The following AK5 variants were observed in gnomAD, a reference collection of about 807,000 sequenced individuals.
AK5 encodes adenylate kinase isoenzyme 5.
AK5 carries 27 observed loss-of-function variants against 69.5 expected under a neutral mutation model. The observed-to-expected ratio is 0.39, with a 90% CI of 0.29 to 0.54. The LOEUF (loss-of-function observed/expected upper bound fraction) is 0.54, where lower values mean the gene tolerates loss of function less well. Ranked by LOEUF, AK5 falls within the 20% of genes least tolerant of loss-of-function variation. AK5 has a pLI of 0.71. For missense variants in AK5, 531 were observed against 700.4 expected (o/e 0.76, Z 2.73); for synonymous variants, 260 against 244.4 (o/e 1.06, Z -0.60).
chr1:77,305,701 G>A (rs1659596471), intron 5 of AK5, among the ~76,000 whole-genome samples: 1 of 152,126 alleles, frequency 6.6e-6, no homozygotes, highest in African/African-American at 2.4e-5. Flanking sequence ...ATTGGTCTAT[G>A]TGTCTGTTTT....
At chr1:77,307,020 G>C (rs571803401) in intron 5 of AK5, among the ~76,000 whole-genome samples, 1 of 151,318 alleles carries the variant, frequency 6.6e-6, no homozygotes, top group East Asian at 1.9e-4. Flanking sequence ...TATTTTCTTT[G>C]TCAATTTCAT....
chr1:77,302,298 C>CA (rs1457210012), intron 5 of AK5, among the ~76,000 whole-genome samples: 2 of 152,060 alleles, frequency 1.3e-5, no homozygotes, highest in Non-Finnish European at 2.9e-5. Context: ...GATTTCCTCT[C>CA]AAAAAGAGGA....
intron 8 of AK5, among the ~76,000 whole-genome samples, chr1:77,440,011 T>G (rs1165121213): frequency 2.0e-5 from 3 of 152,114 alleles, no homozygotes; most frequent in African/African-American, 7.2e-5. Context: ...GTTTGGTGGG[T>G]TTTTTGTAGT....
At chr1:77,457,667 G>A (rs1255532832) in intron 8 of AK5, among the ~76,000 whole-genome samples, 2 of 151,898 alleles carry the variant, frequency 1.3e-5, no homozygotes, top group Non-Finnish European at 2.9e-5. Flanking sequence ...TTTGTCTGTT[G>A]CATTATTTTT....
chr1:77,352,960 T>C (rs751937866), intron 6 of AK5, among the ~76,000 whole-genome samples: 2 of 152,204 alleles, frequency 1.3e-5, no homozygotes, highest in Non-Finnish European at 2.9e-5. Flanking sequence ...TGAGCAAAGT[T>C]AAGGTCACTT....
intron 10 of AK5, among the ~76,000 whole-genome samples, chr1:77,489,171 C>T (rs1655815324): frequency 6.6e-6 from 1 of 152,202 alleles, no homozygotes; most frequent in Non-Finnish European, 1.5e-5. Context: ...AAAGGTCAAA[C>T]AGCACAGTAG....
chr1:77,444,162 TCA>T (rs200130171), intron 8 of AK5, among the ~76,000 whole-genome samples: 8,336 of 141,736 alleles, frequency 0.059, 527 homozygotes, highest in African/African-American at 0.15. Flanking sequence ...TCTCTCTCTC[TCA>T]CTCTCTCTCT....
At chr1:77,311,287 G>C (rs1659936285) in intron 5 of AK5, among the ~76,000 whole-genome samples, 1 of 152,102 alleles carries the variant, frequency 6.6e-6, no homozygotes, top group South Asian at 2.1e-4. Context: ...TCAGAAAAAG[G>C]AAAGATTCAA....
intron 8 of AK5, among the ~76,000 whole-genome samples, chr1:77,457,962 C>T (rs1203429957): frequency 6.6e-6 from 1 of 152,094 alleles, no homozygotes; most frequent in African/African-American, 2.4e-5. Flanking sequence ...AGAAGCCAGG[C>T]ATGGTGCCCA....
chr1:77,333,817 G>A (rs1661212747), intron 5 of AK5, among the ~76,000 whole-genome samples: 1 of 152,102 alleles, frequency 6.6e-6, no homozygotes, highest in Non-Finnish European at 1.5e-5. Flanking sequence ...AGAAATTATG[G>A]CATATTATCA....
chr1:77,465,234 A>T (rs1214177497), intron 8 of AK5, among the ~76,000 whole-genome samples: 3 of 152,218 alleles, frequency 2.0e-5, no homozygotes, highest in African/African-American at 7.2e-5. Context: ...AGGCCAGGGA[A>T]AAAAGCAGTA....
intron 10 of AK5, among the ~76,000 whole-genome samples, chr1:77,506,216 TTTGGTTGGTTGGTTGGTTGG>T (rs60715102): frequency 4.7e-5 from 7 of 148,972 alleles, no homozygotes; most frequent in South Asian, 2.2e-4. Context: ...AGGATCGGTG[TTTGGTTGGTTGGTTGGTTGG>T]TTGGTTGGTT....
At chr1:77,406,324 C>T (rs1302865123) in intron 6 of AK5, among the ~76,000 whole-genome samples, 3 of 149,824 alleles carry the variant, frequency 2.0e-5, no homozygotes, top group East Asian at 3.9e-4. Context: ...TTCCAGGCCA[C>T]GGTGCAGGAA....
At chr1:77,429,984 C>G (rs112681682) in intron 8 of AK5, among the ~76,000 whole-genome samples, 2,802 of 152,146 alleles carry the variant, frequency 0.018, 89 homozygotes, top group African/African-American at 0.064. Context: ...TGACTTTATC[C>G]TAAGAGCAAT....
intron 5 of AK5, among the ~76,000 whole-genome samples, chr1:77,339,871 C>T (rs901593808): frequency 2.0e-5 from 3 of 152,074 alleles, no homozygotes; most frequent in Non-Finnish European, 4.4e-5. Flanking sequence ...TCTCCCGCCT[C>T]AGCCTCCCAA....
chr1:77,404,360 AT>A (rs1464339123), intron 6 of AK5, among the ~76,000 whole-genome samples: 6 of 151,986 alleles, frequency 3.9e-5, no homozygotes, highest in Admixed American at 3.3e-4. Context: ...GTCTCCTGCC[AT>A]TGCCACGTTT....
intron 6 of AK5, among the ~76,000 whole-genome samples, chr1:77,409,305 T>A (rs1649876674): frequency 6.6e-6 from 1 of 152,214 alleles, no homozygotes; most frequent in Non-Finnish European, 1.5e-5. Flanking sequence ...GGTCAAATGG[T>A]AGTTCTGCTT....
chr1:77,302,215 T>TA lies in AK5; in HGVS notation c.699+4278dup, dbSNP rs11305805. 5.3e-5 allele frequency among the ~76,000 whole-genome samples: 8 copies of TA among 151,284 alleles called. No homozygotes were observed. The East Asian group carries it at 5.9e-4, about 11-fold the overall frequency. ...CAACTGGCTGAGACCTATTTTAAGT[T>TA]AAAAAAAAAATGCCTTTTTTTGGCT... On this transcript the variant is annotated intron_variant, in intron 5 of 13. Transcript: ENST00000354567.
chr1:77,518,868 C>G, intron 11 of AK5, 141 bp downstream of exon 11: 6 of 823,606 alleles, frequency 7.3e-6, no homozygotes, highest in East Asian at 2.7e-5. Context: ...TTGCAGCAAT[C>G]CAGATGCAGG....
Sources: gnomAD v4.1 joint callset for allele counts (sites outside exome capture counted in the v4.1 genomes callset) on GRCh38, gnomAD v4.1.1 for gene constraint, MANE v1.5 for transcripts, NCBI Gene and HGNC (gene_info 2026-07-23, HGNC 2026-07-21) for gene names.